HIVEP3: variants seen among roughly 807,000 people sequenced by gnomAD.
HIVEP3 encodes HIVEP zinc finger 3, also known as transcription factor HIVEP3.
In HIVEP3, 49 loss-of-function variants were observed where a neutral mutation model predicts 152.8. The ratio of observed to expected loss-of-function variants is 0.32; its 90% CI spans 0.26 to 0.41. The LOEUF (loss-of-function observed/expected upper bound fraction) is 0.41. Among genes scored for constraint, HIVEP3 ranks in the 10% least tolerant of loss-of-function variants. The probability of loss-of-function intolerance (pLI) is 1.00; values close to 1 mark genes in which losing one functional copy is unlikely to be tolerated. For missense variants in HIVEP3, 2,790 were observed against 3,103.3 expected (o/e 0.90, Z 2.40); for synonymous variants, 1,269 against 1,289.0 (o/e 0.98, Z 0.33).
In HIVEP3 at chr1:41,845,419, G is replaced by GCACA. The variant is rs3032007; in HGVS notation, c.-801+72990_-801+72993dup. Among the ~76,000 whole-genome samples the GCACA allele has an allele frequency of 5.2e-3, 712 of 136,170 alleles. 4 individuals carry two copies. The highest frequency in any genetic ancestry group is 0.029 in the East Asian group (128 of 4,360). The allele number at this position is 136,170 out of a possible 152,430, so 89.3% of individuals were successfully genotyped here. A position where few individuals can be genotyped will look rare whatever the true frequency, so the allele number is the denominator to read the frequency against. ...ACACCTCCTATACACACACACACAC[G>GCACA]CACACACACACACACACACACACAC... is the stretch of plus-strand genomic sequence containing the variant. On this transcript the variant is annotated intron_variant, in intron 1 of 8. Transcript: ENST00000372583.
At chr1:41,956,549 C>T (rs1013800800) in intron 1 of HIVEP3, among the ~76,000 whole-genome samples, 1 of 152,214 alleles carries the variant, frequency 6.6e-6, no homozygotes, top group African/African-American at 2.4e-5. Context: ...AACTTCATCC[C>T]AAATATCACA....
chr1:41,927,381 T>C (rs1279958335), intron 1 of HIVEP3, among the ~76,000 whole-genome samples: 1 of 152,108 alleles, frequency 6.6e-6, no homozygotes, highest in Non-Finnish European at 1.5e-5. Flanking sequence ...ACCCATAGAC[T>C]ACCCAAAAAT....
At chr1:41,733,094 G>A (rs1440835399) in intron 1 of HIVEP3, among the ~76,000 whole-genome samples, 1 of 152,168 alleles carries the variant, frequency 6.6e-6, no homozygotes, top group Non-Finnish European at 1.5e-5. Context: ...AAATGTTCTG[G>A]CCATGAATTT....
rs577804127 is a variant in HIVEP3, at chr1:41,616,389, C to T, written c.-522+12360G>A. Among the ~76,000 whole-genome samples, 30 of 152,218 alleles carry T rather than the reference C, an allele frequency of 2.0e-4. No homozygotes were observed. In the South Asian group the frequency reaches 5.8e-3, roughly 30 times the overall value. ...TATTTTTGCAAACAGCAGACTATCC[C>T]GTTCAGTTAAAGGCAGGGTAGGATG... is the stretch of plus-strand genomic sequence containing the variant. On this transcript the variant is annotated intron_variant, in intron 3 of 8. Coordinates refer to ENST00000372583, the MANE Select transcript of HIVEP3 (RefSeq NM_024503.5).
chr1:41,928,320 A>C (rs571580019), intron 1 of HIVEP3, among the ~76,000 whole-genome samples: 13 of 151,998 alleles, frequency 8.6e-5, no homozygotes, highest in Non-Finnish European at 1.9e-4. Flanking sequence ...TTCTTCATTT[A>C]TTTCTTTCAG....
intron 5 of HIVEP3, among the ~76,000 whole-genome samples, chr1:41,549,620 A>G (rs1315201385): frequency 1.3e-5 from 2 of 152,162 alleles, no homozygotes; most frequent in African/African-American, 2.4e-5. Flanking sequence ...TTCTCTGATG[A>G]CCAGTGATGA....
chr1:41,874,428 C>T (rs1202540378), intron 1 of HIVEP3, among the ~76,000 whole-genome samples: 2 of 152,150 alleles, frequency 1.3e-5, no homozygotes, highest in African/African-American at 4.8e-5. Context: ...CTTCCTCTTC[C>T]TGGGCCTGGT....
chr1:41,988,710 G>T (rs934293079), intron 1 of HIVEP3, among the ~76,000 whole-genome samples: 3 of 152,144 alleles, frequency 2.0e-5, no homozygotes, highest in Non-Finnish European at 4.4e-5. Flanking sequence ...AACTCCACTT[G>T]CAGGTATATA....
chr1:41,730,006 G>T (rs181968387), intron 1 of HIVEP3, among the ~76,000 whole-genome samples: 2 of 152,314 alleles, frequency 1.3e-5, no homozygotes, highest in African/African-American at 4.8e-5. Context: ...GCCAAGAGAG[G>T]GAAAGTGAGT....
rs1441839895 is a variant in HIVEP3, at chr1:41,508,961, T to G, written c.*1490A>C. The G allele has an allele frequency of 6.6e-6, 1 of 152,258 alleles. No homozygotes were observed. Among genetic ancestry groups the G allele is most frequent in the Admixed American group, 6.5e-5 (1 of 15,292 alleles). 9.4% of individuals were successfully genotyped at this position (152,258 alleles called of 1,614,324 possible). On this transcript the variant is annotated 3_prime_UTR_variant, in exon 9 of 9. Transcript: ENST00000372583. ...CTGGGAAAAAGCTCACCTCTCCCAGTTGGGGCGAACACGCTAGAGTTCAAG... is the reference window on the plus strand; with the variant it reads ...CTGGGAAAAAGCTCACCTCTCCCAGGTGGGGCGAACACGCTAGAGTTCAAG...
chr1:41,510,683 G>A lies in HIVEP3; in HGVS notation c.6989C>T (p.Pro2330Leu). 2 of 1,523,680 alleles carry A rather than the reference G, an allele frequency of 1.3e-6. No individual in the cohort carries two copies. The highest frequency in any genetic ancestry group is 2.5e-5 in the South Asian group (2 of 81,104). 94.4% of individuals were successfully genotyped at this position (1,523,680 alleles called of 1,614,324 possible). ...QGRRAAQSWS[P>L]RLESPRAPTN... ...CGGTGCACGCGGGGACTCCAAGCGG[G>A]GGCTCCAGGACTGCGCTGCCCGGCG... The change falls in exon 9 of 9, where the codon CCC becomes CTC. Residue 2330 changes from proline to leucine, a missense_variant. Physicochemically the swap from Pro to Leu is moderately conservative, Grantham distance 98. This residue lies in a region of HIVEP3 where 816 missense variants were observed against 806.5 expected (regional missense o/e 1.01). Transcript: ENST00000372583.
chr1:41,922,032 A>C (rs1191749484), upstream of HIVEP3, among the ~76,000 whole-genome samples: 1 of 152,250 alleles, frequency 6.6e-6, no homozygotes, highest in East Asian at 1.9e-4. Flanking sequence ...GCCTAATAGG[A>C]GTTCCAGATG....
At chr1:41,890,525 G>C (rs1305552851) in intron 1 of HIVEP3, among the ~76,000 whole-genome samples, 1 of 152,196 alleles carries the variant, frequency 6.6e-6, no homozygotes, top group Non-Finnish European at 1.5e-5. Flanking sequence ...TGGGATTATT[G>C]TGTGATGCTG....
chr1:41,813,325 G>A (rs1483732268), intron 1 of HIVEP3, among the ~76,000 whole-genome samples: 2 of 152,170 alleles, frequency 1.3e-5, no homozygotes, highest in South Asian at 2.1e-4. Flanking sequence ...GCAACACTAG[G>A]CGCCAATCTT....
rs140220680 is a variant in HIVEP3, at chr1:41,866,236, C to G, written c.-801+52177G>C. Among the ~76,000 whole-genome samples, 596 of 152,326 alleles carry G rather than the reference C, an allele frequency of 3.9e-3. 4 individuals are homozygous for G. Among genetic ancestry groups the G allele is most frequent in the African/African-American group, 0.014 (563 of 41,570 alleles). On this transcript the variant is annotated intron_variant, in intron 1 of 8. Coordinates refer to ENST00000372583, the MANE Select transcript of HIVEP3 (RefSeq NM_024503.5). ...TGCAGGGAGGGGTCAGGCTCTAGCCCCTTTCCCCAGGCCACCACTCCTCAG... is the reference window on the plus strand; with the variant it reads ...TGCAGGGAGGGGTCAGGCTCTAGCCGCTTTCCCCAGGCCACCACTCCTCAG...
intron 2 of HIVEP3, among the ~76,000 whole-genome samples, chr1:41,686,967 TG>T (rs1259054927): frequency 6.6e-6 from 1 of 152,186 alleles, no homozygotes; most frequent in East Asian, 1.9e-4. Flanking sequence ...GCATGTGGGC[TG>T]GTCCTGAGTG....
intron 1 of HIVEP3, among the ~76,000 whole-genome samples, chr1:41,819,012 G>A (rs1482637305): frequency 1.3e-5 from 2 of 152,184 alleles, no homozygotes; most frequent in African/African-American, 4.8e-5. Context: ...TGGGCCGGAA[G>A]CTATTATCAC....
Position 41,581,160 on chromosome 1 carries a change from G to C in HIVEP3, c.3638C>G (p.Ala1213Gly). Residue 1213 changes from alanine (A) to glycine (G), a missense_variant, in exon 4 of 9, where the codon GCC (alanine) becomes GGC (glycine). This residue lies in a region of HIVEP3 where 1,078 missense variants were observed against 1,165.3 expected (regional missense o/e 0.93). Transcript: ENST00000372583. The surrounding 1 kb of genome is among the most constrained non-coding windows in gnomAD (Gnocchi z 4.5). Reference protein sequence around the residue: ...LHLPQLMPHPANIPFRQPPSF... With the variant: ...LHLPQLMPHPGNIPFRQPPSF... ...AGGGGGCTGCCTGAAGGGGATGTTG[G>C]CTGGGTGAGGCATGAGCTGGGGGAG... 6.5e-7 allele frequency: 1 copy of C among 1,549,456 alleles called. No individual in the cohort carries two copies. The highest frequency in any genetic ancestry group is 8.7e-7 in the Non-Finnish European group (1 of 1,147,008).
At chr1:42,027,447 T>C (rs1645588439) in intron 1 of HIVEP3, among the ~76,000 whole-genome samples, 1 of 152,218 alleles carries the variant, frequency 6.6e-6, no homozygotes, top group Non-Finnish European at 1.5e-5. Flanking sequence ...AATCTTCTAA[T>C]AGCTTCTCAC....
Sources: allele counts gnomAD v4.1 joint callset (sites outside exome capture counted in the v4.1 genomes callset), GRCh38; gene constraint gnomAD v4.1.1; regional missense constraint gnomAD v4.1.1; non-coding constraint Gnocchi (gnomAD v3.1); transcripts MANE v1.5; gene names NCBI Gene and HGNC (gene_info 2026-07-23, HGNC 2026-07-21).